Variants in BTN3A1 observed in about 807,000 individuals in gnomAD.
BTN3A1 encodes the protein butyrophilin subfamily 3 member A1, also known as dJ45P21.3 (butyrophilin, subfamily 3, member A1).
In BTN3A1, 24 loss-of-function variants were observed where a neutral mutation model predicts 43.0. The ratio of observed to expected loss-of-function variants is 0.56; its 90% CI spans 0.40 to 0.78. BTN3A1 has a LOEUF of 0.78. Ranked by LOEUF, BTN3A1 falls within the 30% of genes least tolerant of loss-of-function variation. The pLI, the probability that BTN3A1 is intolerant of heterozygous loss-of-function variation, is 0.00. For missense variants in BTN3A1, 533 were observed against 626.2 expected (o/e 0.85, Z 1.59); for synonymous variants, 181 against 234.7 (o/e 0.77, Z 2.09).
chr6:26,406,752 G>A (rs1762034003), intron 3 of BTN3A1, among the ~76,000 whole-genome samples: 1 of 152,208 alleles, frequency 6.6e-6, no homozygotes, highest in African/African-American at 2.4e-5. Context: ...ACATATCATG[G>A]GGAGCTGTGG....
chr6:26,409,007 CAGG>C (rs1762112706), intron 4 of BTN3A1, among the ~76,000 whole-genome samples: 1 of 152,108 alleles, frequency 6.6e-6, no homozygotes, highest in Admixed American at 6.5e-5. Flanking sequence ...CTTCTAACTT[CAGG>C]AGAAGGGCAG....
intron 2 of BTN3A1, 56 bp from the exon 3 acceptor site, chr6:26,405,853 C>T (rs992506375): frequency 1.2e-6 from 2 of 1,612,682 alleles, no homozygotes; most frequent in East Asian, 2.2e-5. Context: ...AGCACCCTTC[C>T]TCTCATGACC....
At chr6:26,406,401 C>T (rs1221523298) in intron 3 of BTN3A1, 145 bp downstream of exon 3, 7 of 593,234 alleles carry the variant, frequency 1.2e-5, no homozygotes, top group Non-Finnish European at 2.1e-5. Flanking sequence ...TCTCTGAGGC[C>T]CTTGAGTAAG....
rs901074136 is a variant in BTN3A1, at chr6:26,409,432, C to T, written c.716-101C>T. The stretch of plus-strand genomic sequence containing the variant: ...TTATTTAACCTCATGAGATAGATTC[C>T]GTGCCCTGTGACCTGGGGTGAGCAG... On this transcript the variant is annotated intron_variant, in intron 4 of 9. Coordinates refer to ENST00000289361, the MANE Select transcript of BTN3A1 (RefSeq NM_007048.6). The T allele has an allele frequency of 1.5e-5, 17 of 1,103,034 alleles. No individual in the cohort carries two copies. In the Admixed American group the frequency reaches 2.4e-4, roughly 15 times the overall value. 68.3% of individuals were successfully genotyped at this position (1,103,034 alleles called of 1,614,324 possible).
intron 9 of BTN3A1, chr6:26,412,899 G>A: frequency 6.7e-7 from 1 of 1,485,306 alleles, no homozygotes; most frequent in Admixed American, 2.4e-5. Context: ...AAGGATCCTT[G>A]CTGCTTCCTG....
At chr6:26,405,332 G>A (rs946223708) in intron 1 of BTN3A1, 40 bp from the exon 2 acceptor site, 15 of 592,038 alleles carry the variant, frequency 2.5e-5, no homozygotes, top group South Asian at 1.2e-4. Context: ...TTTTCTGATC[G>A]AATAACAGAT....
chr6:26,405,527 C>T lies in BTN3A1; in HGVS notation c.-37C>T, dbSNP rs1020956569. The T allele has an allele frequency of 3.2e-6, 5 of 1,582,184 alleles. No individual in the cohort carries two copies. Among genetic ancestry groups the T allele is most frequent in the African/African-American group, 1.3e-5 (1 of 74,170 alleles). On this transcript the variant is annotated 5_prime_UTR_variant, in exon 2 of 10. Transcript: ENST00000289361. Reference sequence around the variant, plus strand: ...AGCTTCTTCCAGGTCATAGTGTCTGCCCCCCACCTTCCAGTATCTCCTGAT... The same window carrying T: ...AGCTTCTTCCAGGTCATAGTGTCTGTCCCCCACCTTCCAGTATCTCCTGAT...
rs190751116 is a variant in BTN3A1 at position 26,412,834 on chromosome 6, T to G, written c.1019-335T>G. 31 of 1,545,334 alleles carry G rather than the reference T, an allele frequency of 2.0e-5. No individual in the cohort carries two copies. The Admixed American group carries it at 4.6e-4, about 23-fold the overall frequency. On this transcript the variant is annotated intron_variant, in intron 9 of 9. Coordinates refer to ENST00000289361, the MANE Select transcript of BTN3A1 (RefSeq NM_007048.6). ...TGAAGGTTGAAAATTAACCTCTGAG[T>G]ATAAAGCATTAGTGGGCAGAGTGAA... is the stretch of plus-strand genomic sequence containing the variant.
At chr6:26,403,441 GT>G in intron 1 of BTN3A1, among the ~76,000 whole-genome samples, 1 of 152,194 alleles carries the variant, frequency 6.6e-6, no homozygotes, top group African/African-American at 2.4e-5. Flanking sequence ...AGATTTTACT[GT>G]ATTGAGCAGC....
chr6:26,413,632 A>G lies in BTN3A1; in HGVS notation c.1482A>G (p.Leu494=). Residue 494 remains leucine (L), a synonymous_variant, in exon 10 of 10, where the codon CTA becomes CTG. Coordinates refer to ENST00000289361, the MANE Select transcript of BTN3A1 (RefSeq NM_007048.6). The stretch of plus-strand genomic sequence containing the variant: ...TGGACGTCTCCTTCTCTGAGGCTCT[A>G]TATCCTGTTTTCAGAATTTTGACCT... The part of the protein sequence containing the change: ...TFLDVSFSEA[L]YPVFRILTLE... The G allele has an allele frequency of 6.2e-7, 1 of 1,614,040 alleles. No homozygotes were observed. Among genetic ancestry groups the G allele is most frequent in the Non-Finnish European group, 8.5e-7 (1 of 1,179,988 alleles).
chr6:26,406,685 A>G (rs543088080), intron 3 of BTN3A1, among the ~76,000 whole-genome samples: 1 of 152,310 alleles, frequency 6.6e-6, no homozygotes, highest in Non-Finnish European at 1.5e-5. Context: ...CAATGACCCT[A>G]GAATACACCT....
Position 26,413,361 on chromosome 6 carries a change from G to A in BTN3A1, c.1211G>A (p.Arg404Lys), listed in dbSNP as rs138001346. 8 of 1,614,056 alleles carry A rather than the reference G, an allele frequency of 5.0e-6. No homozygotes were observed. The highest frequency in any genetic ancestry group is 5.1e-6 in the Non-Finnish European group (6 of 1,180,054). ...TACTGGGAGGTGGAGGTAGGGGACAGGAAAGAGTGGCATATAGGGGTGTGC... is the reference window on the plus strand; with the variant it reads ...TACTGGGAGGTGGAGGTAGGGGACAAGAAAGAGTGGCATATAGGGGTGTGC... ...RHYWEVEVGD[R>K]KEWHIGVCSK... The change falls in exon 10 of 10, where the codon AGG (arginine) becomes AAG (lysine). Residue 404 changes from arginine to lysine, a missense_variant. Coordinates refer to ENST00000289361, the MANE Select transcript of BTN3A1 (RefSeq NM_007048.6).
chr6:26,411,000 TAAAAAAAAA>T, intron 7 of BTN3A1, 100 bp from the exon 8 acceptor site: 15 of 358,832 alleles, frequency 4.2e-5, no homozygotes, highest in South Asian at 1.4e-4. Context: ...ATACAGGTGG[TAAAAAAAAA>T]AAAAAAAAAA....
In BTN3A1 at chr6:26,409,707, C is replaced by A. The variant is rs1028204515; in HGVS notation, c.890C>A (p.Thr297Lys). Reference sequence around the variant, plus strand: ...GAGTTGAGAGAAATGGCATGGAGCACAATGAAGCAAGAACAAAGCACAAGA... The same window carrying A: ...GAGTTGAGAGAAATGGCATGGAGCAAAATGAAGCAAGAACAAAGCACAAGA... ...EQELREMAWS[T>K]MKQEQSTRVK... is the part of the protein sequence containing the mutation. The change falls in exon 5 of 10, where the codon ACA becomes AAA. Residue 297 changes from threonine (T) to lysine (K), a missense_variant. Physicochemically the swap from Thr to Lys is moderately conservative, Grantham distance 78. Around this residue, in one of 4 missense-constraint regions of BTN3A1, gnomAD observed 415 missense variants for 427.0 expected, o/e 0.97. Coordinates refer to ENST00000289361, the MANE Select transcript of BTN3A1 (RefSeq NM_007048.6). 6.3e-7 allele frequency: 1 copy of A among 1,577,878 alleles called. No homozygotes were observed. Among genetic ancestry groups the A allele is most frequent in the East Asian group, 2.2e-5 (1 of 44,740 alleles).
intron 1 of BTN3A1, among the ~76,000 whole-genome samples, chr6:26,403,129 G>T (rs1015459635): frequency 1.3e-5 from 2 of 152,168 alleles, no homozygotes; most frequent in Non-Finnish European, 2.9e-5. Flanking sequence ...GCAGTGGCAT[G>T]TTCTCGGCTT....
Position 26,409,676 on chromosome 6 carries a change from G to C in BTN3A1, c.859G>C (p.Glu287Gln). The C allele has an allele frequency of 6.3e-7, 1 of 1,595,424 alleles. No individual in the cohort carries two copies. The highest frequency in any genetic ancestry group is 8.5e-7 in the Non-Finnish European group (1 of 1,173,286). The stretch of plus-strand genomic sequence containing the variant: ...GACTCAGTTCAGAAAGAAAAAGAGA[G>C]AGCAAGAGTTGAGAGAAATGGCATG... ...KKTQFRKKKR[E>Q]QELREMAWST... Residue 287 changes from glutamate (E) to glutamine (Q), a missense_variant, in exon 5 of 10, where the codon GAG (glutamate) becomes CAG (glutamine). Transcript: ENST00000289361.
chr6:26,412,477 G>A lies in BTN3A1; in HGVS notation c.1019-692G>A, dbSNP rs186430588. 1,598 of 1,539,124 alleles carry A rather than the reference G, an allele frequency of 1.0e-3. 15 individuals are homozygous for A. The African/African-American group carries it at 0.017, about 17-fold the overall frequency. On this transcript the variant is annotated intron_variant, in intron 9 of 9. Transcript: ENST00000289361. ...AGGGAGCCCAGTGGCACTGTCTCAG[G>A]AATCTGCCCAGAGGACAGATTCCTG...
chr6:26,409,696 G>T lies in BTN3A1; in HGVS notation c.879G>T (p.Met293Ile), dbSNP rs752611443. ...AGAGAGAGCAAGAGTTGAGAGAAAT[G>T]GCATGGAGCACAATGAAGCAAGAAC... ...KKKREQELRE[M>I]AWSTMKQEQS... The change falls in exon 5 of 10, where the codon ATG becomes ATT. Residue 293 changes from methionine to isoleucine, a missense_variant. Around this residue, in one of 4 missense-constraint regions of BTN3A1, gnomAD observed 415 missense variants for 427.0 expected, o/e 0.97. Transcript: ENST00000289361. 7.6e-6 allele frequency: 12 copies of T among 1,584,190 alleles called. No homozygotes were observed. The highest frequency in any genetic ancestry group is 1.0e-5 in the Non-Finnish European group (12 of 1,168,382).
At chr6:26,409,447 G>C in intron 4 of BTN3A1, 86 bp from the exon 5 acceptor site, 5 of 1,268,984 alleles carry the variant, frequency 3.9e-6, no homozygotes, top group Non-Finnish European at 3.4e-6. Flanking sequence ...CCTGTGACCT[G>C]GGGTGAGCAG....
Sources: allele counts gnomAD v4.1 joint callset (sites outside exome capture counted in the v4.1 genomes callset), GRCh38; gene constraint gnomAD v4.1.1; regional missense constraint gnomAD v4.1.1; transcripts MANE v1.5; gene names NCBI Gene and HGNC (gene_info 2026-07-23, HGNC 2026-07-21).